The following COL28A1 variants were observed in gnomAD, a reference collection of about 807,000 sequenced individuals.
COL28A1 encodes collagen alpha-1(XXVIII) chain.
COL28A1 carries 161 observed loss-of-function variants against 150.2 expected under a neutral mutation model. The ratio of observed to expected loss-of-function variants is 1.07; its 90% CI spans 0.94 to 1.22. The LOEUF is 1.22. COL28A1 is among the 50% of genes most tolerant of loss of function. COL28A1 has a pLI of 0.00. For missense variants in COL28A1, 1,617 were observed against 1,388.3 expected (o/e 1.16, Z -2.62); for synonymous variants, 552 against 469.7 (o/e 1.18, Z -2.26).
chr7:7,417,910 T>G lies in COL28A1; in HGVS notation c.2085A>C (p.Lys695Asn). 1 of 1,613,196 alleles carries G rather than the reference T, an allele frequency of 6.2e-7. No individual in the cohort carries two copies. The highest frequency in any genetic ancestry group is 8.5e-7 in the Non-Finnish European group (1 of 1,179,550). ...TQGPKGDTGQ[K>N]GLPGPPGPPG... ...GGGGGCCAGGAGGGCCAGGCAAGCC[T>G]TTCTGCCCAGTATCACCCTGTTAGA... The change falls in exon 27 of 35, where the codon AAA (lysine) becomes AAC (asparagine). Residue 695 changes from lysine (K) to asparagine (N), a missense_variant. Lys to Asn is a moderately conservative substitution (Grantham distance 94). Transcript: ENST00000399429.
intron 27 of COL28A1, among the ~76,000 whole-genome samples, chr7:7,407,418 TAAATAAAA>T (rs975427641): frequency 2.6e-5 from 4 of 151,586 alleles, no homozygotes; most frequent in African/African-American, 9.7e-5. Context: ...TGCAAAACAC[TAAATAAAA>T]AGAGAAAGTA....
chr7:7,432,573 A>T (rs888023700), intron 24 of COL28A1, 32 bp from the exon 25 acceptor site: 1 of 1,611,978 alleles, frequency 6.2e-7, no homozygotes, highest in African/African-American at 1.3e-5. Context: ...GGGAGTGAGC[A>T]TCCTTGTAGT....
chr7:7,522,806 CAAAAAAAAAAAAAAAAAA>C (rs200294353), intron 4 of COL28A1, among the ~76,000 whole-genome samples: 5 of 93,150 alleles, frequency 5.4e-5, no homozygotes, highest in Admixed American at 1.1e-4. Context: ...AGCTGAAGAG[CAAAAAAAAAAAAAAAAAA>C]AAAAAAAAAA....
At chr7:7,411,222 T>C (rs1454382883) in intron 27 of COL28A1, among the ~76,000 whole-genome samples, 1 of 152,196 alleles carries the variant, frequency 6.6e-6, no homozygotes, top group Non-Finnish European at 1.5e-5. Flanking sequence ...GTGGCACAAC[T>C]GAGACAAACC....
chr7:7,346,822 GA>G, the COL28A1 span, among the ~76,000 whole-genome samples: 1 of 152,014 alleles, frequency 6.6e-6, no homozygotes, highest in Non-Finnish European at 1.5e-5. Context: ...TAAGTTCTGG[GA>G]AAAGGAAGAT....
intron 14 of COL28A1, among the ~76,000 whole-genome samples, chr7:7,475,885 TA>T (rs1372987691): frequency 1.3e-5 from 2 of 152,230 alleles, no homozygotes; most frequent in African/African-American, 4.8e-5. Context: ...TCCAACATAT[TA>T]TTTCCATTAT....
chr7:7,436,326 CTT>C (rs1418755200), intron 23 of COL28A1, 67 bp downstream of exon 23: 6 of 859,002 alleles, frequency 7.0e-6, no homozygotes, highest in Non-Finnish European at 1.0e-5. Context: ...GAAAAATCAA[CTT>C]ATGCATTAAA....
At chr7:7,381,008 T>G (rs1781842553) in intron 28 of COL28A1, 146 bp from the exon 29 acceptor site, 1 of 662,350 alleles carries the variant, frequency 1.5e-6, no homozygotes, top group Non-Finnish European at 2.6e-6. Flanking sequence ...GAAAAAAAAT[T>G]GGGGGTAACT....
chr7:7,472,175 A>AAGAAATAAAGAACAGATAAGAG (rs1250976037), intron 15 of COL28A1, among the ~76,000 whole-genome samples: 1 of 152,174 alleles, frequency 6.6e-6, no homozygotes, highest in Admixed American at 6.5e-5. Context: ...TAGCCAGAGC[A>AAGAAATAAAGAACAGATAAGAG]ATCAGATAAG....
At chr7:7,532,019 AGG>A in intron 2 of COL28A1, 115 bp from the exon 3 acceptor site, 1 of 622,452 alleles carries the variant, frequency 1.6e-6, no homozygotes, top group East Asian at 2.7e-5. Flanking sequence ...GAGCAGCGTG[AGG>A]AGAGAAAGAG....
intron 27 of COL28A1, among the ~76,000 whole-genome samples, chr7:7,383,682 G>GTATATATATATATATATATATATATATA (rs772285848): frequency 8.1e-6 from 1 of 124,096 alleles, no homozygotes; most frequent in Non-Finnish European, 1.6e-5. Context: ...GTGTGTGTGT[G>GTATATATATATATATATATATATATATA]TATATATATA....
chr7:7,442,713 C>G (rs999446119), intron 20 of COL28A1, among the ~76,000 whole-genome samples: 13 of 152,228 alleles, frequency 8.5e-5, no homozygotes, highest in Non-Finnish European at 1.6e-4. Context: ...CCATAACAAT[C>G]TTTACATGGG....
downstream of COL28A1, among the ~76,000 whole-genome samples, chr7:7,353,783 G>T (rs1268149403): frequency 2.0e-5 from 3 of 152,038 alleles, no homozygotes; most frequent in Non-Finnish European, 2.9e-5. Context: ...TGAAAAGCTT[G>T]AACAAGAAAT....
chr7:7,518,724 A>G (rs970571492), intron 6 of COL28A1, among the ~76,000 whole-genome samples: 1 of 152,218 alleles, frequency 6.6e-6, no homozygotes, highest in Non-Finnish European at 1.5e-5. Flanking sequence ...ATAATGAAAG[A>G]AATGTTTTTA....
chr7:7,394,081 C>T (rs1425583252), intron 27 of COL28A1, among the ~76,000 whole-genome samples: 2 of 152,180 alleles, frequency 1.3e-5, no homozygotes, highest in Admixed American at 6.5e-5. Context: ...CCAAGGGACT[C>T]TCCCGGTCTG....
chr7:7,397,340 G>T (rs1157929026), intron 27 of COL28A1, among the ~76,000 whole-genome samples: 1 of 151,792 alleles, frequency 6.6e-6, no homozygotes, highest in African/African-American at 2.4e-5. Context: ...AGGACATTCG[G>T]GCCTTATATT....
At chr7:7,364,923 T>C (rs898366040) in intron 33 of COL28A1, among the ~76,000 whole-genome samples, 2 of 152,216 alleles carry the variant, frequency 1.3e-5, no homozygotes, top group Non-Finnish European at 2.9e-5. Context: ...CGTCTTCAGG[T>C]TGAACTTAAT....
At chr7:7,476,303 A>G (rs1382317772) in intron 14 of COL28A1, among the ~76,000 whole-genome samples, 1 of 152,156 alleles carries the variant, frequency 6.6e-6, no homozygotes, top group African/African-American at 2.4e-5. Flanking sequence ...CATTTTGGAA[A>G]ACACTTTTTA....
upstream of COL28A1, among the ~76,000 whole-genome samples, chr7:7,538,989 C>CT (rs1782738596): frequency 6.7e-6 from 1 of 149,144 alleles, no homozygotes; most frequent in Admixed American, 6.7e-5. Flanking sequence ...TCTCTTTCTT[C>CT]TTTTTGTCAG....
Sources: gnomAD v4.1 joint callset for allele counts (sites outside exome capture counted in the v4.1 genomes callset) on GRCh38, gnomAD v4.1.1 for gene constraint, MANE v1.5 for transcripts, NCBI Gene and HGNC (gene_info 2026-07-23, HGNC 2026-07-21) for gene names.